MTMR3: variants seen among roughly 807,000 people sequenced by gnomAD.
The protein encoded by MTMR3 is phosphatidylinositol-3,5-bisphosphate 3-phosphatase MTMR3.
A neutral mutation model predicts 132.4 loss-of-function variants in MTMR3; 32 were observed. The ratio of observed to expected loss-of-function variants is 0.24; its 90% CI spans 0.18 to 0.32. MTMR3 has a LOEUF of 0.32. Among genes scored for constraint, MTMR3 ranks in the 10% least tolerant of loss-of-function variants. The pLI, the probability that MTMR3 is intolerant of heterozygous loss-of-function variation, is 1.00. For synonymous variants in MTMR3, 556 were observed against 550.3 expected (o/e 1.01, Z -0.14); for missense variants, 1,216 against 1,489.6 (o/e 0.82, Z 3.02).
At chr22:29,886,233 G>A (rs922948893) in intron 1 of MTMR3, among the ~76,000 whole-genome samples, 1 of 152,228 alleles carries the variant, frequency 6.6e-6, no homozygotes, top group Admixed American at 6.5e-5. Context: ...AGGGCTCTGG[G>A]TAGGAAAGAA....
intron 5 of MTMR3, chr22:29,981,603 G>A (rs570110981): frequency 1.3e-5 from 2 of 152,330 alleles, no homozygotes; most frequent in South Asian, 2.1e-4. Flanking sequence ...GGAGGCTGAG[G>A]CAGGCAGTTC....
chr22:29,885,634 A>G (rs2040282518), intron 1 of MTMR3, among the ~76,000 whole-genome samples: 1 of 152,192 alleles, frequency 6.6e-6, no homozygotes, highest in South Asian at 2.1e-4. Flanking sequence ...GGTTGCTCCT[A>G]AACCATCTGA....
chr22:29,978,068 A>G, intron 3 of MTMR3: 1 of 162,390 alleles, frequency 6.2e-6, no homozygotes, highest in Non-Finnish European at 1.4e-5. Flanking sequence ...TGAACCCAGG[A>G]GGCAGAGGTT....
At position 30,020,171 on chromosome 22, in the gene MTMR3, A is replaced by G; in HGVS notation, c.2512A>G (p.Arg838Gly). ...LLPSQVPFET[R>G]GPNVDSSTDM... ...ACCTTCCCAAGTCCCTTTTGAGACCAGAGGACCAAACGTGGACAGTTCTAC... is the reference window on the plus strand; with the variant it reads ...ACCTTCCCAAGTCCCTTTTGAGACCGGAGGACCAAACGTGGACAGTTCTAC... Residue 838 changes from arginine (R) to glycine (G), a missense_variant, in exon 17 of 20, where the codon AGA becomes GGA. Transcript: ENST00000401950. 1 of 1,614,252 alleles carries G rather than the reference A, an allele frequency of 6.2e-7. No homozygotes were observed. Among genetic ancestry groups the G allele is most frequent in the East Asian group, 2.2e-5 (1 of 44,888 alleles).
intron 1 of MTMR3, among the ~76,000 whole-genome samples, chr22:29,939,791 C>T (rs1010955651): frequency 6.6e-6 from 1 of 152,150 alleles, no homozygotes; most frequent in African/African-American, 2.4e-5. Flanking sequence ...TGTCAGGCCA[C>T]TCTGCCCAGG....
chr22:29,979,031 G>A lies in MTMR3; in HGVS notation c.189G>A (p.Lys63=). ...TTTCCAATTACAGACTTCACATCAA[G>A]TTCAAGGAGTCTCTTGTTAATGTAA... ...IALSNYRLHI[K]FKESLVNVPL... The change falls in exon 5 of 20, where the codon AAG becomes AAA. Residue 63 remains lysine, a synonymous_variant. Coordinates refer to ENST00000401950, the MANE Select transcript of MTMR3 (RefSeq NM_021090.4). 4 of 1,610,624 alleles carry A rather than the reference G, an allele frequency of 2.5e-6. No individual in the cohort carries two copies. The highest frequency in any genetic ancestry group is 3.4e-6 in the Non-Finnish European group (4 of 1,176,866).
intron 6 of MTMR3, chr22:29,989,049 C>A (rs1028319277): frequency 6.5e-6 from 1 of 152,678 alleles, no homozygotes; most frequent in African/African-American, 2.4e-5. Context: ...ATAATACTTA[C>A]ATCCAGTCTA....
chr22:29,978,606 G>GT, intron 4 of MTMR3, 75 bp downstream of exon 4: 1 of 1,091,274 alleles, frequency 9.2e-7, no homozygotes, highest in East Asian at 2.5e-5. Context: ...GGATTTAAGT[G>GT]TAACGTACTA....
chr22:30,007,056 G>T lies in MTMR3; in HGVS notation c.672-58G>T, dbSNP rs186621048. ...CATTAAGGCACTTAAAATCTATTTT[G>T]TGTGAGTACAGAGAGCATCTGAATG... is the stretch of plus-strand genomic sequence containing the variant. On this transcript the variant is annotated intron_variant, in intron 9 of 19. Coordinates refer to ENST00000401950, the MANE Select transcript of MTMR3 (RefSeq NM_021090.4). 1.0e-4 allele frequency: 164 copies of T among 1,574,720 alleles called. No individual in the cohort carries two copies. In the African/African-American group the frequency reaches 1.5e-3, roughly 14 times the overall value.
chr22:29,929,570 C>T (rs921031384), intron 1 of MTMR3, among the ~76,000 whole-genome samples: 2 of 151,454 alleles, frequency 1.3e-5, no homozygotes, highest in Non-Finnish European at 2.9e-5. Flanking sequence ...AGTGTAGTGG[C>T]GCAATCTCGG....
intron 2 of MTMR3, 27 bp from the exon 3 acceptor site, chr22:29,970,949 C>G: frequency 7.0e-5 from 26 of 370,708 alleles, no homozygotes; most frequent in East Asian, 1.8e-4. Flanking sequence ...TTTTTTTCTT[C>G]TTCCCCCTCT....
At chr22:29,986,446 T>A in intron 5 of MTMR3, 1 of 510,844 alleles carries the variant, frequency 2.0e-6, no homozygotes, top group Non-Finnish European at 2.5e-6. Context: ...ATCTGTCTTC[T>A]TAATCTCAAT....
At position 30,028,554 on chromosome 22, in the gene MTMR3, A is replaced by ATGTTATGC. The variant is rs2145996320; in HGVS notation, c.*2758_*2765dup. ...CATCACATGGGTCTGTGGGTGAGAT[A>ATGTTATGC]TGTTATGCTGTTCCTCCCTCGGGAA... On this transcript the variant is annotated 3_prime_UTR_variant, in exon 20 of 20. Coordinates refer to ENST00000401950, the MANE Select transcript of MTMR3 (RefSeq NM_021090.4). 1 of 152,380 alleles carries ATGTTATGC rather than the reference A, an allele frequency of 6.6e-6. No homozygotes were observed. The highest frequency in any genetic ancestry group is 2.1e-4 in the South Asian group (1 of 4,814). 9.4% of individuals were successfully genotyped at this position (152,380 alleles called of 1,614,324 possible).
intron 16 of MTMR3, 124 bp from the exon 17 acceptor site, chr22:30,019,356 T>C: frequency 1.1e-6 from 1 of 890,362 alleles, no homozygotes; most frequent in South Asian, 1.7e-5. Flanking sequence ...CCAGAGATGC[T>C]ACAGCTCCAT....
intron 2 of MTMR3, among the ~76,000 whole-genome samples, chr22:29,963,663 G>A (rs1036438408): frequency 6.6e-6 from 1 of 152,072 alleles, no homozygotes; most frequent in African/African-American, 2.4e-5. Flanking sequence ...TGGGATTACA[G>A]GTGTGAGCCA....
chr22:29,997,500 A>G (rs1419189038), intron 7 of MTMR3: 2 of 152,342 alleles, frequency 1.3e-5, no homozygotes, highest in East Asian at 3.9e-4. Context: ...CTGCCCTAGG[A>G]CTGTGTATGT....
chr22:30,029,638 T>G lies in MTMR3; in HGVS notation c.*3837T>G, dbSNP rs1432600464. The G allele has an allele frequency of 1.3e-5, 2 of 152,478 alleles. No individual in the cohort carries two copies. The highest frequency in any genetic ancestry group is 1.9e-4 in the East Asian group (1 of 5,316). 9.4% of individuals were successfully genotyped at this position (152,478 alleles called of 1,614,324 possible). A position where few individuals can be genotyped will look rare whatever the true frequency, so the allele number is the denominator to read the frequency against. ...CTGACCTCTATTGATCTTTTGGGAA[T>G]GAGGGCTGATTTGAAGGTGCTGTTG... is the stretch of plus-strand genomic sequence containing the variant. On this transcript the variant is annotated 3_prime_UTR_variant, in exon 20 of 20. Transcript: ENST00000401950.
intron 1 of MTMR3, among the ~76,000 whole-genome samples, chr22:29,909,951 C>T (rs1255295072): frequency 3.3e-5 from 5 of 150,914 alleles, no homozygotes; most frequent in Admixed American, 2.6e-4. Context: ...ATGAGGAGAC[C>T]GAGACCATCC....
At chr22:29,965,608 C>G (rs1411938158) in intron 2 of MTMR3, among the ~76,000 whole-genome samples, 1 of 152,172 alleles carries the variant, frequency 6.6e-6, no homozygotes, top group Non-Finnish European at 1.5e-5. Context: ...TCACTTGAAT[C>G]CGGGAGGCAG....
Sources: allele counts gnomAD v4.1 joint callset (sites outside exome capture counted in the v4.1 genomes callset), GRCh38; gene constraint gnomAD v4.1.1; transcripts MANE v1.5; gene names NCBI Gene and HGNC (gene_info 2026-07-23, HGNC 2026-07-21).